Variants in WWOX observed in about 807,000 individuals in gnomAD.
WWOX encodes WW domain-containing oxidoreductase.
A neutral mutation model predicts 46.2 loss-of-function variants in WWOX; 69 were observed. The observed-to-expected ratio is 1.49, with a 90% CI of 1.23 to 1.82. The LOEUF is 1.82. Among genes scored for constraint, WWOX ranks in the 40% most tolerant of loss-of-function variants. WWOX has a pLI of 0.00. For missense variants in WWOX, 919 were observed against 542.6 expected (o/e 1.69, Z -6.89); for synonymous variants, 359 against 202.6 (o/e 1.77, Z -6.56).
At chr16:79,203,086 C>T (rs1466921823) in intron 8 of WWOX, 1 of 152,350 alleles carries the variant, frequency 6.6e-6, no homozygotes, top group South Asian at 2.1e-4. Context: ...CAACAGCACA[C>T]ACGATCATTT....
chr16:78,730,751 A>G (rs1308236163), intron 8 of WWOX, among the ~76,000 whole-genome samples: 2 of 151,376 alleles, frequency 1.3e-5, no homozygotes, highest in Admixed American at 6.6e-5. Flanking sequence ...TAAACCACCA[A>G]CCCAGCCTCA....
At chr16:78,373,356 A>G (rs549092347) in intron 5 of WWOX, among the ~76,000 whole-genome samples, 1 of 152,316 alleles carries the variant, frequency 6.6e-6, no homozygotes, top group African/African-American at 2.4e-5. Flanking sequence ...TAGTGGCTGT[A>G]TTGTCCCCTA....
chr16:78,445,944 C>G (rs1285303931), intron 8 of WWOX, among the ~76,000 whole-genome samples: 2 of 152,118 alleles, frequency 1.3e-5, no homozygotes, highest in Non-Finnish European at 2.9e-5. Context: ...TTTTGATGAG[C>G]CTAGCCTTTG....
intron 8 of WWOX, among the ~76,000 whole-genome samples, chr16:78,938,575 A>C (rs1019677485): frequency 4.6e-5 from 7 of 152,080 alleles, no homozygotes; most frequent in African/African-American, 1.7e-4. Context: ...AAATACGGCA[A>C]ATATTAAGAG....
intron 3 of WWOX, among the ~76,000 whole-genome samples, chr16:78,114,248 G>C (rs969667841): frequency 1.3e-5 from 2 of 152,010 alleles, no homozygotes; most frequent in Non-Finnish European, 2.9e-5. Context: ...CTACAGGCGT[G>C]TGCTATCACA....
chr16:78,743,697 G>A (rs938747945), intron 8 of WWOX, among the ~76,000 whole-genome samples: 1 of 152,102 alleles, frequency 6.6e-6, no homozygotes, highest in African/African-American at 2.4e-5. Context: ...TCAGCCGTTT[G>A]CATAGGAGCT....
chr16:78,589,090 G>T (rs772107559), intron 8 of WWOX, among the ~76,000 whole-genome samples: 3 of 152,158 alleles, frequency 2.0e-5, no homozygotes, highest in Non-Finnish European at 4.4e-5. Flanking sequence ...TGTTGTACTT[G>T]TTTCTCCCTC....
intron 8 of WWOX, among the ~76,000 whole-genome samples, chr16:78,558,900 T>A (rs1376755124): frequency 6.6e-6 from 1 of 152,234 alleles, no homozygotes; most frequent in African/African-American, 2.4e-5. Flanking sequence ...CATCCTCCTT[T>A]GTTCCCATAC....
intron 5 of WWOX, among the ~76,000 whole-genome samples, chr16:78,257,546 G>T (rs1230240035): frequency 6.6e-6 from 1 of 152,138 alleles, no homozygotes; most frequent in Non-Finnish European, 1.5e-5. Flanking sequence ...AGGAGAACCT[G>T]CAGGGAGCTC....
intron 8 of WWOX, among the ~76,000 whole-genome samples, chr16:79,151,582 C>G (rs1597423064): frequency 6.6e-6 from 1 of 152,216 alleles, no homozygotes; most frequent in African/African-American, 2.4e-5. Context: ...GAGCTGAGAC[C>G]TCACCCTCTG....
chr16:78,227,342 A>T (rs1430428280), intron 5 of WWOX, among the ~76,000 whole-genome samples: 1 of 146,292 alleles, frequency 6.8e-6, no homozygotes, highest in East Asian at 3.2e-4. Context: ...GGAGGTAATC[A>T]TGTGTTACCT....
At chr16:79,077,828 C>T (rs1330506093) in intron 8 of WWOX, 2 of 152,144 alleles carry the variant, frequency 1.3e-5, no homozygotes, top group African/African-American at 4.8e-5. Flanking sequence ...TAAACTCCTG[C>T]AAAGAAGTCC....
At chr16:78,626,721 C>G (rs2046320051) in intron 8 of WWOX, among the ~76,000 whole-genome samples, 1 of 152,138 alleles carries the variant, frequency 6.6e-6, no homozygotes, top group South Asian at 2.1e-4. Flanking sequence ...TGTTCTCACT[C>G]TTCGAGGGTA....
intron 8 of WWOX, among the ~76,000 whole-genome samples, chr16:79,180,036 T>C (rs775133458): frequency 3.6e-4 from 55 of 152,104 alleles, no homozygotes; most frequent in Non-Finnish European, 5.3e-4. Context: ...GTTGTTGTCT[T>C]GAGGTTTCCA....
intron 5 of WWOX, among the ~76,000 whole-genome samples, chr16:78,305,865 T>A (rs763949922): frequency 2.7e-4 from 41 of 152,162 alleles, no homozygotes; most frequent in Non-Finnish European, 2.1e-4. Flanking sequence ...TTTTTTCTTT[T>A]TCTTTTTTTT....
intron 8 of WWOX, among the ~76,000 whole-genome samples, chr16:79,011,832 G>A (rs1163860433): frequency 6.6e-6 from 1 of 151,968 alleles, no homozygotes; most frequent in Non-Finnish European, 1.5e-5. Flanking sequence ...ACTCTTTTGT[G>A]TTTTAGAAAT....
rs1362661780 is a variant in WWOX at position 78,919,519 on chromosome 16, G to GTTTTTTTTTTTTTTTTTTTT, written c.1057-292085_1057-292084insTTTTTTTTTTTTTTTTTTTT. Among the ~76,000 whole-genome samples, 3 of 67,254 alleles carry GTTTTTTTTTTTTTTTTTTTT rather than the reference G, an allele frequency of 4.5e-5. 1 individual carries two copies. Among genetic ancestry groups the GTTTTTTTTTTTTTTTTTTTT allele is most frequent in the Non-Finnish European group, 5.8e-5 (2 of 34,600 alleles). The allele number at this position is 67,254 out of a possible 152,430, so 44.1% of individuals were successfully genotyped here. A position where few individuals can be genotyped will look rare whatever the true frequency, so the allele number is the denominator to read the frequency against. On this transcript the variant is annotated intron_variant, in intron 8 of 8. Coordinates refer to ENST00000566780, the MANE Select transcript of WWOX (RefSeq NM_016373.4). ...TCTCTTTTTTTTCTTTTATCTTTTT[G>GTTTTTTTTTTTTTTTTTTTT]TTTTGTTTTTTTTTTTTTTGAGGGA...
intron 8 of WWOX, among the ~76,000 whole-genome samples, chr16:78,607,541 AGG>A (rs2045789363): frequency 1.3e-5 from 2 of 152,312 alleles, no homozygotes; most frequent in African/African-American, 4.8e-5. Context: ...AACCAACCAA[AGG>A]GTCTTAGAGT....
intron 5 of WWOX, among the ~76,000 whole-genome samples, chr16:78,272,217 G>T (rs910742424): frequency 6.6e-6 from 1 of 152,188 alleles, no homozygotes; most frequent in Non-Finnish European, 1.5e-5. Flanking sequence ...GTGCTATGCT[G>T]GAGGATGAAT....
Sources: allele counts gnomAD v4.1 joint callset (sites outside exome capture counted in the v4.1 genomes callset), GRCh38; gene constraint gnomAD v4.1.1; transcripts MANE v1.5; gene names NCBI Gene and HGNC (gene_info 2026-07-23, HGNC 2026-07-21).